ZNF680: variants seen among roughly 807,000 people sequenced by gnomAD.
ZNF680 encodes zinc finger protein 680.
ZNF680 carries 6 observed loss-of-function variants against 12.1 expected under a neutral mutation model. The ratio of observed to expected loss-of-function variants is 0.49; its 90% confidence interval spans 0.27 to 0.98. The LOEUF is 0.98. ZNF680 is among the 50% of genes least tolerant of loss of function. The pLI is 0.12. For synonymous variants in ZNF680, 170 were observed against 199.3 expected, an observed-to-expected ratio of 0.85 and a Z score of 1.24; for missense variants, 561 against 616.3, an observed-to-expected ratio of 0.91 and a Z score of 0.95.
chr7:64,555,345 C>CAA (rs34359779), intron 1 of ZNF680, among the ~76,000 whole-genome samples: 7,479 of 147,650 alleles, frequency 0.051, 462 homozygotes, highest in East Asian at 0.32. Context: ...AATTCAATAC[C>CAA]AAAAAAAAAA....
At chr7:64,529,753 G>T (rs903324547) in intron 3 of ZNF680, among the ~76,000 whole-genome samples, 1 of 152,072 alleles carries the variant, frequency 6.6e-6, no homozygotes, top group Non-Finnish European at 1.5e-5. Flanking sequence ...AGCTTCCTCA[G>T]CCTTACTAGA....
At chr7:64,504,167 C>A in the ZNF680 span, among the ~76,000 whole-genome samples, 94 of 152,250 alleles carry the variant, frequency 6.2e-4, 3 homozygotes, top group East Asian at 0.017. Context: ...ATACCAAATG[C>A]TTTTTATTAA....
At chr7:64,502,752 G>C in the ZNF680 span, among the ~76,000 whole-genome samples, 6 of 151,096 alleles carry the variant, frequency 4.0e-5, no homozygotes, top group Admixed American at 4.0e-4. Context: ...TCTCCTCTCA[G>C]TTTTGATTCA....
At chr7:64,537,471 T>C (rs914796234) in intron 3 of ZNF680, among the ~76,000 whole-genome samples, 1 of 151,870 alleles carries the variant, frequency 6.6e-6, no homozygotes, top group Non-Finnish European at 1.5e-5. Flanking sequence ...AATAGCACAG[T>C]TTTTTTTACA....
intron 1 of ZNF680, among the ~76,000 whole-genome samples, chr7:64,549,746 C>T (rs1209099102): frequency 2.0e-5 from 3 of 151,816 alleles, no homozygotes; most frequent in Non-Finnish European, 2.9e-5. Context: ...TTTGGGAGGC[C>T]GAGGCAGGTA....
intron 1 of ZNF680, among the ~76,000 whole-genome samples, chr7:64,558,704 TA>T (rs2116565436): frequency 6.6e-6 from 1 of 151,940 alleles, no homozygotes; most frequent in South Asian, 2.1e-4. Flanking sequence ...ATTTATGTAA[TA>T]AAAATTTGAA....
At chr7:64,552,950 A>C (rs1166767526) in intron 1 of ZNF680, among the ~76,000 whole-genome samples, 6 of 152,142 alleles carry the variant, frequency 3.9e-5, no homozygotes, top group Admixed American at 3.9e-4. Context: ...ACATGGCAAA[A>C]TCCTGTCTCT....
At position 64,521,462 on chromosome 7, in the gene ZNF680, T is replaced by C. The variant is rs143885278; in HGVS notation, c.1292A>G (p.Glu431Gly). 1.1e-5 allele frequency: 17 copies of C among 1,613,474 alleles called. No homozygotes were observed. The African/African-American group carries it at 1.9e-4, about 18-fold the overall frequency. ...ACATTCTTCACATTTGTAGGTATTC[T>C]CTCTAGTGTGAATTCTCTTATGTCG... ...LTRHKRIHTRENTYKCEECGK... is the reference protein window; with the variant it reads ...LTRHKRIHTRGNTYKCEECGK... The change falls in exon 4 of 4, where the codon GAG becomes GGG. Residue 431 changes from glutamate (E) to glycine (G), a missense_variant. Coordinates refer to ENST00000309683, the MANE Select transcript of ZNF680 (RefSeq NM_178558.5).
At chr7:64,515,276 A>AAC (rs111387300), downstream of ZNF680, among the ~76,000 whole-genome samples, 1 of 151,524 alleles carries the variant, frequency 6.6e-6, no homozygotes, top group Non-Finnish European at 1.5e-5. Flanking sequence ...GCATCAGTGC[A>AAC]ACACACACAC....
chr7:64,544,530 G>A, intron 1 of ZNF680, 98 bp from the exon 2 acceptor site: 1 of 1,505,926 alleles, frequency 6.6e-7, no homozygotes, highest in Non-Finnish European at 8.9e-7. Context: ...GGCAAAGTAA[G>A]ACAGTATAGA....
intron 1 of ZNF680, among the ~76,000 whole-genome samples, chr7:64,557,340 A>C (rs1787472708): frequency 6.7e-6 from 1 of 149,572 alleles, no homozygotes; most frequent in African/African-American, 2.5e-5. Context: ...GCAGATCACA[A>C]GGTCAGGAAT....
intron 1 of ZNF680, among the ~76,000 whole-genome samples, chr7:64,560,765 T>C (rs1787689820): frequency 1.3e-5 from 2 of 150,032 alleles, no homozygotes. Flanking sequence ...TGAGCCAAGA[T>C]CATGTGACTG....
chr7:64,502,028 G>A, the ZNF680 span, among the ~76,000 whole-genome samples: 33 of 116,224 alleles, frequency 2.8e-4, 1 homozygote, highest in African/African-American at 9.1e-4. Context: ...TTCCTGAGAT[G>A]GAGTCTTGCT....
Position 64,562,991 on chromosome 7 carries a change from A to T in ZNF680, c.-37T>A. 1 of 1,612,426 alleles carries T rather than the reference A, an allele frequency of 6.2e-7. No individual in the cohort carries two copies. The highest frequency in any genetic ancestry group is 1.3e-5 in the African/African-American group (1 of 74,976). On this transcript the variant is annotated 5_prime_UTR_variant, in exon 1 of 4. Coordinates refer to ENST00000309683, the MANE Select transcript of ZNF680 (RefSeq NM_178558.5). ...ATCTCCCAATACCTGCAGATAACGG[A>T]GTCACAGAGGCTGGGCCTCTAGGAG...
intron 2 of ZNF680, 105 bp downstream of exon 2, chr7:64,544,201 T>C: frequency 6.9e-7 from 1 of 1,456,742 alleles, no homozygotes; most frequent in Non-Finnish European, 9.2e-7. Context: ...AAAACAGGGA[T>C]CTGAAACTCA....
intron 3 of ZNF680, among the ~76,000 whole-genome samples, chr7:64,529,960 T>G (rs2116413697): frequency 6.6e-6 from 1 of 152,252 alleles, no homozygotes; most frequent in African/African-American, 2.4e-5. Flanking sequence ...TCAGCAGAAA[T>G]CCTACAAGCT....
At chr7:64,562,720 G>C (rs1485603999) in intron 1 of ZNF680, among the ~76,000 whole-genome samples, 2 of 152,260 alleles carry the variant, frequency 1.3e-5, no homozygotes, top group Non-Finnish European at 2.9e-5. Context: ...ACTGCGCAGG[G>C]AGGAGACATG....
At chr7:64,503,803 T>G in the ZNF680 span, among the ~76,000 whole-genome samples, 1 of 152,304 alleles carries the variant, frequency 6.6e-6, no homozygotes, top group South Asian at 2.1e-4. Context: ...AGAGAAGACA[T>G]ATTTGCGTCT....
At chr7:64,532,413 C>T (rs541990141) in intron 3 of ZNF680, among the ~76,000 whole-genome samples, 1 of 151,974 alleles carries the variant, frequency 6.6e-6, no homozygotes, top group East Asian at 1.9e-4. Context: ...TTCAAGGCTA[C>T]GATGAATACC....
Sources: gnomAD v4.1 joint callset for allele counts (sites outside exome capture counted in the v4.1 genomes callset) on GRCh38, gnomAD v4.1.1 for gene constraint, MANE v1.5 for transcripts, NCBI Gene and HGNC (gene_info 2026-07-23, HGNC 2026-07-21) for gene names.